The following FAM227B variants were observed in gnomAD, a reference collection of about 807,000 sequenced individuals.
FAM227B encodes the protein family with sequence similarity 227 member B.
FAM227B carries 88 observed loss-of-function variants against 73.8 expected under a neutral mutation model. The ratio of observed to expected loss-of-function variants is 1.19; its 90% CI spans 1.00 to 1.42. The LOEUF is 1.42. Among genes scored for constraint, FAM227B ranks in the 40% most tolerant of loss-of-function variants. The probability of loss-of-function intolerance (pLI) is 0.00; values close to 1 mark genes in which losing one functional copy is unlikely to be tolerated. For missense variants in FAM227B, 632 were observed against 590.9 expected, an observed-to-expected ratio of 1.07 and a Z score of -0.72; for synonymous variants, 210 against 190.5, an observed-to-expected ratio of 1.10 and a Z score of -0.84.
At chr15:49,619,893 C>A (rs1309721551) in intron 1 of FAM227B, among the ~76,000 whole-genome samples, 3 of 152,184 alleles carry the variant, frequency 2.0e-5, no homozygotes, top group Non-Finnish European at 4.4e-5. Context: ...TACAAACAAG[C>A]CCTAGTGCAC....
chr15:49,480,726 G>A (rs1424511323), intron 11 of FAM227B, among the ~76,000 whole-genome samples: 9 of 152,016 alleles, frequency 5.9e-5, no homozygotes, highest in Admixed American at 4.6e-4. Flanking sequence ...CAAGTGTTCC[G>A]CCTGACTCGG....
chr15:49,572,768 A>G (rs1405651307), intron 8 of FAM227B, among the ~76,000 whole-genome samples: 1 of 152,010 alleles, frequency 6.6e-6, no homozygotes, highest in Non-Finnish European at 1.5e-5. Flanking sequence ...TAGGAGCTGG[A>G]CTCAAGTCAA....
At chr15:49,506,985 A>C (rs1030586435) in intron 11 of FAM227B, among the ~76,000 whole-genome samples, 1 of 152,050 alleles carries the variant, frequency 6.6e-6, no homozygotes, top group Non-Finnish European at 1.5e-5. Context: ...CTCTCAATTT[A>C]GTTATTCATA....
At chr15:49,491,920 A>G (rs755470974) in intron 11 of FAM227B, among the ~76,000 whole-genome samples, 7 of 151,846 alleles carry the variant, frequency 4.6e-5, no homozygotes, top group Non-Finnish European at 5.9e-5. Context: ...ATAGAACGTC[A>G]AAAAGTACTT....
At chr15:49,483,901 AGTT>A (rs1356103483) in intron 11 of FAM227B, among the ~76,000 whole-genome samples, 1 of 152,088 alleles carries the variant, frequency 6.6e-6, no homozygotes, top group Non-Finnish European at 1.5e-5. Flanking sequence ...AAGTAAATAA[AGTT>A]GTGAAACAAG....
intron 11 of FAM227B, among the ~76,000 whole-genome samples, chr15:49,502,683 G>A (rs570408450): frequency 1.8e-4 from 27 of 152,270 alleles, no homozygotes; most frequent in Non-Finnish European, 2.2e-4. Flanking sequence ...TAAGATTTTC[G>A]GGGACTGTTG....
At chr15:49,520,178 C>T (rs2059681271) in intron 10 of FAM227B, among the ~76,000 whole-genome samples, 1 of 152,160 alleles carries the variant, frequency 6.6e-6, no homozygotes, top group African/African-American at 2.4e-5. Context: ...TCCTCATCTC[C>T]GTCTGACACC....
At chr15:49,593,890 T>C (rs2076733967) in intron 3 of FAM227B, among the ~76,000 whole-genome samples, 2 of 152,224 alleles carry the variant, frequency 1.3e-5, no homozygotes, top group South Asian at 2.1e-4. Flanking sequence ...GCTATAAACA[T>C]GCGAGTGCAA....
At chr15:49,618,604 A>G (rs2078449366) in intron 1 of FAM227B, among the ~76,000 whole-genome samples, 1 of 152,228 alleles carries the variant, frequency 6.6e-6, no homozygotes, top group African/African-American at 2.4e-5. Context: ...CTATGATATC[A>G]CTATTGACAG....
Position 49,431,552 on chromosome 15 carries a change from C to T in FAM227B, c.1013-60153G>A, listed in dbSNP as rs537762544. On this transcript the variant is annotated intron_variant, in intron 11 of 15. Coordinates refer to ENST00000299338, the MANE Select transcript of FAM227B (RefSeq NM_152647.3). ...TCAGAGGAAAAAAATTTGATGTATA[C>T]TGGGGAGAATTGGCTCTAGAGATTC... 9.4e-4 allele frequency among the ~76,000 whole-genome samples: 143 copies of T among 151,764 alleles called. 5 individuals carry two copies. In the South Asian group the frequency reaches 0.027, roughly 29 times the overall value.
chr15:49,332,083 C>T (rs568032598), intron 14 of FAM227B, among the ~76,000 whole-genome samples: 93 of 107,470 alleles, frequency 8.7e-4, no homozygotes, highest in South Asian at 2.5e-3. Flanking sequence ...CATGTGCACA[C>T]GTGCCACACA....
chr15:49,588,732 T>C (rs939514050), intron 4 of FAM227B, among the ~76,000 whole-genome samples: 1 of 150,698 alleles, frequency 6.6e-6, no homozygotes, highest in African/African-American at 2.4e-5. Context: ...TATGTGTGTA[T>C]GCAAGCTATA....
At position 49,515,907 on chromosome 15, in the gene FAM227B, C is replaced by T. The variant is rs983715813; in HGVS notation, c.875-7559G>A. Reference sequence around the variant, plus strand: ...AGATGGGTGGCAATGGGATATCCTCCGTTGCCCTGAATCAGCTCAGTGATG... The same window carrying T: ...AGATGGGTGGCAATGGGATATCCTCTGTTGCCCTGAATCAGCTCAGTGATG... On this transcript the variant is annotated intron_variant, in intron 10 of 15. Transcript: ENST00000299338. Among the ~76,000 whole-genome samples, 4 of 152,062 alleles carry T rather than the reference C, an allele frequency of 2.6e-5. No homozygotes were observed. In the South Asian group the frequency reaches 6.2e-4, roughly 24 times the overall value.
intron 11 of FAM227B, among the ~76,000 whole-genome samples, chr15:49,492,456 T>C (rs7168031): frequency 0.33 from 49,740 of 151,718 alleles, 8,926 homozygotes; most frequent in African/African-American, 0.46. Context: ...CTCAATTCAA[T>C]TTTAAGTTTC....
chr15:49,447,708 T>C (rs1247273233), intron 11 of FAM227B, among the ~76,000 whole-genome samples: 1 of 151,742 alleles, frequency 6.6e-6, no homozygotes, highest in African/African-American at 2.4e-5. Context: ...AATTCATGGA[T>C]AATTGTTAAT....
At chr15:49,408,139 T>C (rs1596988030) in intron 11 of FAM227B, among the ~76,000 whole-genome samples, 1 of 152,204 alleles carries the variant, frequency 6.6e-6, no homozygotes, top group Non-Finnish European at 1.5e-5. Context: ...TTGGGAAACA[T>C]TTGAAGTTCT....
chr15:49,582,753 A>C (rs560652855), intron 5 of FAM227B, among the ~76,000 whole-genome samples: 1 of 152,330 alleles, frequency 6.6e-6, no homozygotes, highest in East Asian at 1.9e-4. Flanking sequence ...AGCAAATGCA[A>C]AAGAACTGAA....
chr15:49,602,917 G>A (rs2077295128), intron 3 of FAM227B, among the ~76,000 whole-genome samples: 1 of 152,172 alleles, frequency 6.6e-6, no homozygotes, highest in Admixed American at 6.5e-5. Context: ...TTTATTCAAT[G>A]TATGTACTTA....
intron 1 of FAM227B, among the ~76,000 whole-genome samples, chr15:49,616,996 A>G (rs886527587): frequency 6.6e-5 from 10 of 152,114 alleles, no homozygotes; most frequent in Admixed American, 5.9e-4. Flanking sequence ...TCTTTAGTGC[A>G]CATTTGTTTT....
Sources: allele counts gnomAD v4.1 joint callset (sites outside exome capture counted in the v4.1 genomes callset), GRCh38; gene constraint gnomAD v4.1.1; transcripts MANE v1.5; gene names NCBI Gene and HGNC (gene_info 2026-07-23, HGNC 2026-07-21).